The following CNIH3 variants were observed in gnomAD, a reference collection of about 807,000 sequenced individuals.
CNIH3 encodes the protein cornichon family AMPA receptor auxiliary protein 3.
A neutral mutation model predicts 24.1 loss-of-function variants in CNIH3; 14 were observed. The observed-to-expected ratio is 0.58, with a 90% CI of 0.38 to 0.91. The LOEUF (loss-of-function observed/expected upper bound fraction) is 0.91, where lower values mean the gene tolerates loss of function less well. Ranked by LOEUF, CNIH3 falls within the 40% of genes least tolerant of loss-of-function variation. CNIH3 has a pLI of 0.00. For synonymous variants in CNIH3, 68 were observed against 73.8 expected (o/e 0.92, Z 0.40); for missense variants, 178 against 196.8 (o/e 0.90, Z 0.57).
chr1:224,498,681 G>A (rs1677531296), intron 1 of CNIH3, among the ~76,000 whole-genome samples: 1 of 152,182 alleles, frequency 6.6e-6, no homozygotes, highest in African/African-American at 2.4e-5. Flanking sequence ...AATGCAGGTG[G>A]GAGTGTGCCT....
intron 1 of CNIH3, among the ~76,000 whole-genome samples, chr1:224,441,660 T>C (rs1410826373): frequency 6.6e-6 from 1 of 152,226 alleles, no homozygotes; most frequent in Non-Finnish European, 1.5e-5. Context: ...AATATGTGTA[T>C]GCATCCCCTG....
At chr1:224,708,687 TC>T (rs1687961687) in intron 3 of CNIH3, among the ~76,000 whole-genome samples, 1 of 152,160 alleles carries the variant, frequency 6.6e-6, no homozygotes, top group South Asian at 2.1e-4. Context: ...AGTCTCCTGC[TC>T]CTCTTTGGCT....
intron 1 of CNIH3, among the ~76,000 whole-genome samples, chr1:224,492,743 C>T (rs1291601317): frequency 1.3e-5 from 2 of 152,184 alleles, no homozygotes; most frequent in Non-Finnish European, 2.9e-5. Context: ...CCTGAGTCCC[C>T]AGTATAGAGT....
chr1:224,531,046 G>A (rs549895637), intron 2 of CNIH3, among the ~76,000 whole-genome samples: 26 of 152,280 alleles, frequency 1.7e-4, no homozygotes, highest in African/African-American at 5.3e-4. Context: ...GGTTCAGGGC[G>A]TAGGGCCTCT....
intron 1 of CNIH3, among the ~76,000 whole-genome samples, chr1:224,437,956 A>C (rs910166782): frequency 2.0e-5 from 3 of 147,768 alleles, no homozygotes; most frequent in African/African-American, 7.6e-5. Context: ...TCTGTCGCCC[A>C]GGCTGGAGTG....
At chr1:224,620,722 G>A (rs1000402192) in intron 1 of CNIH3, among the ~76,000 whole-genome samples, 3 of 152,044 alleles carry the variant, frequency 2.0e-5, no homozygotes, top group African/African-American at 4.8e-5. Flanking sequence ...GCATATGGCC[G>A]GGCTCAGTGG....
In CNIH3 at chr1:224,576,855, A is replaced by C. The variant is rs1450061300; in HGVS notation, n.517-6309A>C. Among the ~76,000 whole-genome samples, 12 of 152,224 alleles carry C rather than the reference A, an allele frequency of 7.9e-5. No homozygotes were observed. In the East Asian group the frequency reaches 1.2e-3, roughly 15 times the overall value. ...ACTATTGTTACTGAAACAACATGGT[A>C]CTGGCATAAAAGTGGGTGTGTAGAC... On this transcript the variant is annotated intron_variant and non_coding_transcript_variant, in intron 4 of 5. Transcript: ENST00000471578.
intron 3 of CNIH3, among the ~76,000 whole-genome samples, chr1:224,727,021 G>A (rs896844853): frequency 6.6e-6 from 1 of 152,180 alleles, no homozygotes; most frequent in Non-Finnish European, 1.5e-5. Flanking sequence ...CTCAGAGTTG[G>A]GAGGGAACGC....
intron 5 of CNIH3, among the ~76,000 whole-genome samples, chr1:224,587,611 G>C (rs1360702453): frequency 6.6e-6 from 1 of 152,162 alleles, no homozygotes; most frequent in East Asian, 1.9e-4. Context: ...TTTAAGATCT[G>C]TGTGGTGTGC....
At chr1:224,584,769 G>A (rs1347781128) in intron 5 of CNIH3, among the ~76,000 whole-genome samples, 1 of 152,092 alleles carries the variant, frequency 6.6e-6, no homozygotes, top group Non-Finnish European at 1.5e-5. Flanking sequence ...TCCAGTTTGT[G>A]GCCTAGTTGA....
At chr1:224,715,200 C>G (rs1028466340) in intron 3 of CNIH3, among the ~76,000 whole-genome samples, 2 of 152,182 alleles carry the variant, frequency 1.3e-5, no homozygotes, top group African/African-American at 4.8e-5. Context: ...TCTTCCTTAG[C>G]AGTGTCTGGC....
intron 2 of CNIH3, among the ~76,000 whole-genome samples, chr1:224,536,088 A>G (rs932538012): frequency 6.6e-6 from 1 of 152,122 alleles, no homozygotes; most frequent in Non-Finnish European, 1.5e-5. Context: ...GGTCCCCAGC[A>G]GGGATGAGGA....
At chr1:224,599,043 G>A (rs910891987) in intron 3 of CNIH3, among the ~76,000 whole-genome samples, 1 of 152,074 alleles carries the variant, frequency 6.6e-6, no homozygotes, top group Non-Finnish European at 1.5e-5. Context: ...CATAAATCTG[G>A]ACTGCAATGT....
At chr1:224,586,301 C>T (rs1681505272) in intron 5 of CNIH3, among the ~76,000 whole-genome samples, 1 of 152,124 alleles carries the variant, frequency 6.6e-6, no homozygotes, top group Non-Finnish European at 1.5e-5. Context: ...GCTGGGGAGG[C>T]CTCACAGTCA....
At chr1:224,635,688 A>G (rs562908278) in intron 1 of CNIH3, among the ~76,000 whole-genome samples, 103 of 152,234 alleles carry the variant, frequency 6.8e-4, no homozygotes, top group African/African-American at 2.0e-3. Context: ...TAGTCCATAT[A>G]TTTCTTCACT....
chr1:224,679,010 A>G (rs1209790135), intron 1 of CNIH3, among the ~76,000 whole-genome samples: 1 of 152,202 alleles, frequency 6.6e-6, no homozygotes, highest in Admixed American at 6.5e-5. Flanking sequence ...TCGATAAAAG[A>G]ATGAATGCTA....
chr1:224,651,345 G>C (rs999000380), intron 1 of CNIH3, among the ~76,000 whole-genome samples: 6 of 152,188 alleles, frequency 3.9e-5, no homozygotes, highest in Admixed American at 3.9e-4. Context: ...GTACTTTCAT[G>C]TGTCTTTTTA....
Position 224,617,183 on chromosome 1 carries a change from C to T in CNIH3, c.9C>T (p.Phe3=). The T allele has an allele frequency of 6.2e-7, 1 of 1,614,156 alleles. No individual in the cohort carries two copies. Among genetic ancestry groups the T allele is most frequent in the Non-Finnish European group, 8.5e-7 (1 of 1,179,998 alleles). Reference sequence around the variant, plus strand: ...ATTGGGGTCCGCCGGCCATGGCCTTCACTTTCGCTGCGTTCTGCTACATGC... The same window carrying T: ...ATTGGGGTCCGCCGGCCATGGCCTTTACTTTCGCTGCGTTCTGCTACATGC... MA[F]TFAAFCYMLS... Residue 3 remains phenylalanine, a synonymous_variant, in exon 1 of 6, where the codon TTC becomes TTT. Transcript: ENST00000272133.
intron 4 of CNIH3, 87 bp from the exon 5 acceptor site, chr1:224,734,476 G>A (rs552910003): frequency 1.0e-5 from 14 of 1,400,722 alleles, no homozygotes; most frequent in East Asian, 4.6e-5. Flanking sequence ...GGGATTGCTC[G>A]ACAGAAGCCC....
Sources: gnomAD v4.1 joint callset for allele counts (sites outside exome capture counted in the v4.1 genomes callset) on GRCh38, gnomAD v4.1.1 for gene constraint, MANE v1.5 for transcripts, NCBI Gene and HGNC (gene_info 2026-07-23, HGNC 2026-07-21) for gene names.